The following DAB1 variants were observed in gnomAD, a reference collection of about 807,000 sequenced individuals.
The protein encoded by DAB1 is disabled homolog 1.
In DAB1, 15 loss-of-function variants were observed where a neutral mutation model predicts 64.6. That is an observed-to-expected ratio of 0.23 (90% confidence interval 0.16 to 0.36). The LOEUF (loss-of-function observed/expected upper bound fraction) is 0.36. DAB1 is among the 10% of genes least tolerant of loss of function. DAB1 has a pLI of 1.00. For missense variants in DAB1, 596 were observed against 706.7 expected (o/e 0.84, Z 1.78); for synonymous variants, 235 against 251.9 (o/e 0.93, Z 0.64).
chr1:57,225,892 A>T (rs1667225664), intron 2 of DAB1, among the ~76,000 whole-genome samples: 1 of 152,108 alleles, frequency 6.6e-6, no homozygotes, highest in South Asian at 2.1e-4. Flanking sequence ...TTTTAATAAT[A>T]ATGTAAAAAA....
chr1:58,190,951 GAC>G (rs1469959085), intron 4 of DAB1, among the ~76,000 whole-genome samples: 1 of 152,206 alleles, frequency 6.6e-6, no homozygotes, highest in Admixed American at 6.5e-5. Flanking sequence ...CACATGCTGT[GAC>G]ACCCAGGCCC....
chr1:57,809,452 T>C (rs924280256), intron 6 of DAB1, among the ~76,000 whole-genome samples: 1 of 152,202 alleles, frequency 6.6e-6, no homozygotes, highest in Non-Finnish European at 1.5e-5. Flanking sequence ...AATGTTACAT[T>C]AAAACATAGC....
At chr1:57,909,043 A>T (rs1644601508) in intron 5 of DAB1, among the ~76,000 whole-genome samples, 2 of 152,222 alleles carry the variant, frequency 1.3e-5, no homozygotes, top group South Asian at 4.1e-4. Context: ...AAGAGAGTGC[A>T]GGAGGCTCCT....
chr1:58,158,456 C>T (rs1306266462), intron 4 of DAB1, among the ~76,000 whole-genome samples: 4 of 152,216 alleles, frequency 2.6e-5, no homozygotes, highest in South Asian at 4.1e-4. Flanking sequence ...CTAAAACTCT[C>T]GGTCCACATC....
In DAB1 at chr1:57,404,665, A is replaced by C. The variant is rs1683494702; in HGVS notation, c.-137+19265T>G. Among the ~76,000 whole-genome samples, 3 of 152,214 alleles carry C rather than the reference A, an allele frequency of 2.0e-5. No individual in the cohort carries two copies. In the South Asian group the frequency reaches 6.2e-4, roughly 31 times the overall value. ...CTTGAGAAAAAAATACTGAAAGAAA[A>C]ATTCATTACACTTGACTGTAGCCAC... On this transcript the variant is annotated intron_variant, in intron 1 of 14. Coordinates refer to ENST00000371236, the MANE Select transcript of DAB1 (RefSeq NM_001365792.1).
intron 4 of DAB1, among the ~76,000 whole-genome samples, chr1:58,213,901 C>T (rs2100299946): frequency 6.6e-6 from 1 of 152,270 alleles, no homozygotes; most frequent in East Asian, 1.9e-4. Context: ...GTTTCTTTGC[C>T]ATAACCTTAG....
chr1:58,056,553 C>T (rs1648121618), intron 5 of DAB1: 1 of 825,636 alleles, frequency 1.2e-6, no homozygotes, highest in Non-Finnish European at 2.1e-6. Context: ...TCATCACAAC[C>T]TAACTCCCCC....
intron 3 of DAB1, among the ~76,000 whole-genome samples, chr1:58,435,215 C>T (rs961761774): frequency 6.6e-6 from 1 of 152,106 alleles, no homozygotes; most frequent in African/African-American, 2.4e-5. Context: ...TGGCTGCATC[C>T]TCCTCCCTCA....
Position 57,259,074 on chromosome 1 carries a change from T to G in DAB1, c.67+31890A>C, listed in dbSNP as rs563087759. Among the ~76,000 whole-genome samples, 191 of 152,324 alleles carry G rather than the reference T, an allele frequency of 1.3e-3. 1 individual carries two copies. The highest frequency in any genetic ancestry group is 4.3e-3 in the African/African-American group (178 of 41,576). On this transcript the variant is annotated intron_variant, in intron 2 of 14. Transcript: ENST00000371236. ...TGGAGAGAAACACTACATAGATCAC[T>G]GGCATCTGGCTAATGTTACACACTT...
At position 58,204,491 on chromosome 1, in the gene DAB1, G is replaced by C. The variant is rs576362136; in HGVS notation, n.310-53903C>G. On this transcript the variant is annotated intron_variant and non_coding_transcript_variant, in intron 4 of 20. Transcript: ENST00000485760. ...AGGTGTTCCCCAGAAGCACCAGTAG[G>C]GGGTAGAGAAGTGAGGCATGGAAGG... Among the ~76,000 whole-genome samples, 5 of 152,292 alleles carry C rather than the reference G, an allele frequency of 3.3e-5. 1 individual carries two copies. Among genetic ancestry groups the C allele is most frequent in the African/African-American group, 1.2e-4 (5 of 41,564 alleles).
chr1:58,051,786 C>T (rs1270489503), intron 5 of DAB1, among the ~76,000 whole-genome samples: 14 of 152,182 alleles, frequency 9.2e-5, no homozygotes, highest in Non-Finnish European at 1.5e-5. Flanking sequence ...ATTTGCATTT[C>T]TCTGATGACC....
chr1:57,530,965 T>A (rs1293726114), intron 7 of DAB1, among the ~76,000 whole-genome samples: 1 of 152,124 alleles, frequency 6.6e-6, no homozygotes, highest in Non-Finnish European at 1.5e-5. Flanking sequence ...TGTTGGCCAA[T>A]ATTGTCAAAT....
At chr1:58,178,298 A>ACATACG (rs1656597070) in intron 4 of DAB1, among the ~76,000 whole-genome samples, 1 of 152,150 alleles carries the variant, frequency 6.6e-6, no homozygotes, top group Non-Finnish European at 1.5e-5. Flanking sequence ...CAGAAAACAC[A>ACATACG]CATACGCACA....
intron 6 of DAB1, among the ~76,000 whole-genome samples, chr1:57,708,510 C>CTGCT (rs1646992765): frequency 6.6e-6 from 1 of 152,252 alleles, no homozygotes; most frequent in Non-Finnish European, 1.5e-5. Flanking sequence ...AGCAGCAGGG[C>CTGCT]TTGCCCTAGG....
At chr1:58,465,011 G>A (rs1645280623) in intron 3 of DAB1, among the ~76,000 whole-genome samples, 1 of 152,246 alleles carries the variant, frequency 6.6e-6, no homozygotes. Flanking sequence ...GAAGTTTGCA[G>A]GAGTAGCTGA....
chr1:57,389,652 T>C (rs1778031), intron 1 of DAB1, among the ~76,000 whole-genome samples: 24,095 of 151,572 alleles, frequency 0.16, 2,515 homozygotes, highest in African/African-American at 0.29. Flanking sequence ...GAAAGAGAGG[T>C]AGGGAGAGAG....
At chr1:57,365,268 TATATAA>T (rs1679892523) in intron 1 of DAB1, among the ~76,000 whole-genome samples, 1 of 141,400 alleles carries the variant, frequency 7.1e-6, no homozygotes, top group Non-Finnish European at 1.5e-5. Flanking sequence ...ATAAAGAATA[TATATAA>T]ATATATATTT....
chr1:57,252,245 T>C (rs1029074907), intron 2 of DAB1, among the ~76,000 whole-genome samples: 13 of 152,140 alleles, frequency 8.5e-5, no homozygotes, highest in Non-Finnish European at 1.8e-4. Context: ...GCCTATATTC[T>C]CCCATTTGAT....
chr1:57,415,834 T>C (rs190429113), intron 1 of DAB1, among the ~76,000 whole-genome samples: 22 of 152,308 alleles, frequency 1.4e-4, no homozygotes, highest in Admixed American at 1.2e-3. Flanking sequence ...ACAGCATCTC[T>C]TCCTTACCCT....
Sources: allele counts gnomAD v4.1 joint callset (sites outside exome capture counted in the v4.1 genomes callset), GRCh38; gene constraint gnomAD v4.1.1; transcripts MANE v1.5; gene names NCBI Gene and HGNC (gene_info 2026-07-23, HGNC 2026-07-21).